The following ANKRD6 variants were observed in gnomAD, a reference collection of about 807,000 sequenced individuals.
The protein encoded by ANKRD6 is ankyrin repeat domain-containing protein 6.
In ANKRD6, 56 loss-of-function variants were observed where a neutral mutation model predicts 82.3. The observed-to-expected ratio is 0.68, with a 90% CI of 0.55 to 0.85. The LOEUF is 0.85. Among genes scored for constraint, ANKRD6 ranks in the 40% least tolerant of loss-of-function variants. ANKRD6 has a pLI of 0.00. For missense variants in ANKRD6, 852 were observed against 907.6 expected (o/e 0.94, Z 0.79); for synonymous variants, 347 against 352.1 (o/e 0.99, Z 0.16).
rs112294359 is a variant in ANKRD6, at chr6:89,474,693, A to G, written c.-144+41318A>G. Reference sequence around the variant, plus strand: ...CAGCCTCCCAAAGTGCTGGGATTACAGGTGTGAGCCACCGCTCCCAGCCTT... The same window carrying G: ...CAGCCTCCCAAAGTGCTGGGATTACGGGTGTGAGCCACCGCTCCCAGCCTT... On this transcript the variant is annotated intron_variant, in intron 1 of 15. Coordinates refer to ENST00000339746, the MANE Select transcript of ANKRD6 (RefSeq NM_001242809.2). Among the ~76,000 whole-genome samples the G allele has an allele frequency of 2.5e-3, 376 of 152,332 alleles. 1 individual carries two copies. The highest frequency in any genetic ancestry group is 4.2e-3 in the Non-Finnish European group (286 of 68,032).
intron 1 of ANKRD6, among the ~76,000 whole-genome samples, chr6:89,497,690 A>G (rs1180109332): frequency 6.6e-6 from 1 of 152,056 alleles, no homozygotes; most frequent in African/African-American, 2.4e-5. Context: ...GTATCTTCAG[A>G]GCTTTCGAAT....
chr6:89,442,131 G>T (rs1217493773), intron 1 of ANKRD6, among the ~76,000 whole-genome samples: 2 of 152,068 alleles, frequency 1.3e-5, no homozygotes, highest in African/African-American at 4.8e-5. Flanking sequence ...AAGTAGCTGG[G>T]ATTACACGCA....
At chr6:89,603,243 T>G in intron 4 of ANKRD6, 116 bp downstream of exon 4, 1 of 766,890 alleles carries the variant, frequency 1.3e-6, no homozygotes, top group Non-Finnish European at 2.1e-6. Context: ...AATTCCTGTC[T>G]TACCACTTAT....
chr6:89,520,298 T>A (rs566824949), intron 1 of ANKRD6, among the ~76,000 whole-genome samples: 1 of 152,214 alleles, frequency 6.6e-6, no homozygotes, highest in Non-Finnish European at 1.5e-5. Flanking sequence ...TCTTTTTCAT[T>A]TTGGCAAAAG....
chr6:89,544,117 T>A (rs953987371), intron 1 of ANKRD6, among the ~76,000 whole-genome samples: 1 of 152,222 alleles, frequency 6.6e-6, no homozygotes, highest in Non-Finnish European at 1.5e-5. Context: ...GATCATGGTC[T>A]GATGGTTGGC....
chr6:89,500,269 T>A (rs941294767), intron 1 of ANKRD6, among the ~76,000 whole-genome samples: 1 of 152,086 alleles, frequency 6.6e-6, no homozygotes, highest in African/African-American at 2.4e-5. Context: ...TCACTCACTC[T>A]CCTTTTTTTC....
intron 1 of ANKRD6, among the ~76,000 whole-genome samples, chr6:89,511,704 T>C (rs1780570972): frequency 6.6e-6 from 1 of 152,262 alleles, no homozygotes; most frequent in South Asian, 2.1e-4. Flanking sequence ...CTATGGCTTT[T>C]GATACAATCT....
chr6:89,514,484 T>TC (rs2127950482), intron 1 of ANKRD6, among the ~76,000 whole-genome samples: 2 of 152,290 alleles, frequency 1.3e-5, no homozygotes, highest in African/African-American at 4.8e-5. Context: ...ACAATTCTAC[T>TC]TTTTCCAATG....
chr6:89,538,849 C>G (rs1784156508), intron 1 of ANKRD6, among the ~76,000 whole-genome samples: 1 of 151,860 alleles, frequency 6.6e-6, no homozygotes, highest in African/African-American at 2.4e-5. Context: ...GATCTTAATA[C>G]TTTCATGCAA....
intron 1 of ANKRD6, among the ~76,000 whole-genome samples, chr6:89,512,542 G>A (rs1011127705): frequency 9.8e-5 from 15 of 152,350 alleles, no homozygotes; most frequent in Admixed American, 3.3e-4. Context: ...GCAGCCAGCT[G>A]TGCAGCCTGG....
chr6:89,623,406 G>A lies in ANKRD6; in HGVS notation c.898-4G>A, dbSNP rs1050689671. The A allele has an allele frequency of 6.2e-7, 1 of 1,611,128 alleles. No individual in the cohort carries two copies. The highest frequency in any genetic ancestry group is 1.7e-5 in the Admixed American group (1 of 59,396). On this transcript the variant is annotated splice_polypyrimidine_tract_variant and splice_region_variant and intron_variant, in intron 10 of 15. Transcript: ENST00000339746. Reference sequence around the variant, plus strand: ...ATGGGTCTCTGGGCTTTTTCCTTCTGTAGGGCAGTGTCTCAGCAGGAGACA... The same window carrying A: ...ATGGGTCTCTGGGCTTTTTCCTTCTATAGGGCAGTGTCTCAGCAGGAGACA...
intron 1 of ANKRD6, chr6:89,562,492 A>G (rs1176510116): frequency 6.6e-6 from 1 of 152,210 alleles, no homozygotes; most frequent in East Asian, 1.9e-4. Context: ...TGCTGAAATT[A>G]TGCAAACTTC....
chr6:89,605,936 G>A, intron 4 of ANKRD6, 71 bp from the exon 5 acceptor site: 1 of 1,136,600 alleles, frequency 8.8e-7, no homozygotes, highest in Non-Finnish European at 1.2e-6. Flanking sequence ...AATCCACTGT[G>A]ATGTATTGAT....
intron 1 of ANKRD6, among the ~76,000 whole-genome samples, chr6:89,456,074 C>T (rs1334627077): frequency 1.3e-5 from 2 of 152,124 alleles, no homozygotes; most frequent in Non-Finnish European, 2.9e-5. Flanking sequence ...AGGATTTTGT[C>T]ATGTTGGCCA....
intron 1 of ANKRD6, among the ~76,000 whole-genome samples, chr6:89,469,192 A>T (rs854867): frequency 0.2 from 30,213 of 152,184 alleles, 3,477 homozygotes; most frequent in Non-Finnish European, 0.26. Flanking sequence ...TGTCTAGAGT[A>T]TGTTTACTGC....
intron 1 of ANKRD6, among the ~76,000 whole-genome samples, chr6:89,527,622 A>G (rs1337028985): frequency 3.4e-5 from 5 of 146,008 alleles, no homozygotes; most frequent in South Asian, 2.1e-4. Context: ...AAAAAAAAAA[A>G]AAAAGAAAAA....
chr6:89,618,398 G>A, intron 9 of ANKRD6: 1 of 577,206 alleles, frequency 1.7e-6, no homozygotes, highest in Non-Finnish European at 3.1e-6. Flanking sequence ...AGTGGGACAG[G>A]GACTTTAAGA....
At chr6:89,562,297 G>A (rs1276289053) in intron 1 of ANKRD6, 1 of 152,256 alleles carries the variant, frequency 6.6e-6, no homozygotes, top group Non-Finnish European at 1.5e-5. Flanking sequence ...CCAGACCCTT[G>A]TCTCCTGTGC....
chr6:89,598,179 A>AC (rs1796310029), intron 3 of ANKRD6: 1 of 985,382 alleles, frequency 1.0e-6, no homozygotes, highest in Non-Finnish European at 1.2e-6. Context: ...ATGAATTTCA[A>AC]CCTGTGGAAA....
Sources: allele counts gnomAD v4.1 joint callset (sites outside exome capture counted in the v4.1 genomes callset), GRCh38; gene constraint gnomAD v4.1.1; transcripts MANE v1.5; gene names NCBI Gene and HGNC (gene_info 2026-07-23, HGNC 2026-07-21).